The following INPP5F variants were observed in gnomAD, a reference collection of about 807,000 sequenced individuals.
INPP5F encodes the protein phosphatidylinositide 4-phosphatase SAC2.
INPP5F carries 97 observed loss-of-function variants against 137.2 expected under a neutral mutation model. The observed-to-expected ratio is 0.71, with a 90% CI of 0.60 to 0.84. The LOEUF is 0.84. Ranked by LOEUF, INPP5F falls within the 40% of genes least tolerant of loss-of-function variation. The pLI, the probability that INPP5F is intolerant of heterozygous loss-of-function variation, is 0.00. For missense variants in INPP5F, 1,271 were observed against 1,371.9 expected (o/e 0.93, Z 1.16); for synonymous variants, 504 against 476.9 (o/e 1.06, Z -0.74).
chr10:119,750,645 A>G (rs1785067316), intron 1 of INPP5F, among the ~76,000 whole-genome samples: 1 of 152,230 alleles, frequency 6.6e-6, no homozygotes, highest in South Asian at 2.1e-4. Context: ...TTTGTTTGGT[A>G]TAAGCATCTT....
intron 3 of INPP5F, among the ~76,000 whole-genome samples, chr10:119,783,311 C>A (rs1420330053): frequency 6.6e-6 from 1 of 152,154 alleles, no homozygotes; most frequent in East Asian, 1.9e-4. Flanking sequence ...TTATCACAGA[C>A]CTTTCCCTTG....
chr10:119,806,061 A>G (rs1346550102), intron 11 of INPP5F, among the ~76,000 whole-genome samples: 2 of 152,024 alleles, frequency 1.3e-5, no homozygotes, highest in African/African-American at 4.8e-5. Context: ...GTTTTTTTAC[A>G]TGTAGGAAAA....
chr10:119,762,740 CTA>C (rs1218798545), intron 2 of INPP5F, among the ~76,000 whole-genome samples: 2 of 152,112 alleles, frequency 1.3e-5, no homozygotes, highest in Non-Finnish European at 2.9e-5. Flanking sequence ...ATTTTGGTAT[CTA>C]TAGGGGGTTC....
intron 2 of INPP5F, among the ~76,000 whole-genome samples, chr10:119,774,528 C>T (rs1400176941): frequency 6.6e-6 from 1 of 151,122 alleles, no homozygotes; most frequent in African/African-American, 2.4e-5. Flanking sequence ...GAGACTGGGC[C>T]TGGCTATTTT....
chr10:119,741,057 G>A (rs778266013), intron 1 of INPP5F, among the ~76,000 whole-genome samples: 7 of 152,176 alleles, frequency 4.6e-5, no homozygotes, highest in Admixed American at 6.5e-5. Flanking sequence ...TTCTGTTTAC[G>A]AAGGAGGAAA....
intron 15 of INPP5F, among the ~76,000 whole-genome samples, chr10:119,816,931 C>T (rs1382471352): frequency 6.6e-6 from 1 of 152,170 alleles, no homozygotes; most frequent in Non-Finnish European, 1.5e-5. Context: ...CAGCCATCAC[C>T]ATGGTCAATT....
At chr10:119,816,336 G>A (rs894944446) in intron 15 of INPP5F, 3 of 152,068 alleles carry the variant, frequency 2.0e-5, no homozygotes, top group Non-Finnish European at 4.4e-5. Context: ...CGTGGATTAT[G>A]GATTACTCTT....
At chr10:119,765,880 T>G (rs564434486) in intron 2 of INPP5F, among the ~76,000 whole-genome samples, 2,563 of 144,276 alleles carry the variant, frequency 0.018, 68 homozygotes, top group African/African-American at 0.055. Context: ...TATATATATA[T>G]AGAGAGAGAG....
At chr10:119,819,626 C>T in intron 15 of INPP5F, 1 of 1,082,980 alleles carries the variant, frequency 9.2e-7, no homozygotes, top group Non-Finnish European at 1.3e-6. Context: ...CTCCTTTTCC[C>T]ATTGGTTAAT....
At chr10:119,794,808 C>T (rs1236217765) in intron 6 of INPP5F, among the ~76,000 whole-genome samples, 16 of 117,982 alleles carry the variant, frequency 1.4e-4, no homozygotes, top group African/African-American at 4.3e-4. Flanking sequence ...ACCCCCCCAC[C>T]TCCCTCCCTC....
In INPP5F at chr10:119,797,509, A is replaced by G. The variant is rs371159007; in HGVS notation, c.917A>G (p.Asn306Ser). ...RGVDKNGNVA[N>S]YVETEQLIHV... is the part of the protein sequence containing the mutation. ...GTGGATAAAAATGGAAATGTTGCCA[A>G]TTATGTGGAGACTGAGCAGTTGATT... The change falls in exon 8 of 20, where the codon AAT becomes AGT. Residue 306 changes from asparagine (N) to serine (S), a missense_variant. Physicochemically the swap from Asn to Ser is conservative, Grantham distance 46. Transcript: ENST00000650623. The G allele has an allele frequency of 1.2e-6, 2 of 1,612,738 alleles. No homozygotes were observed. The highest frequency in any genetic ancestry group is 1.7e-6 in the Non-Finnish European group (2 of 1,179,258).
At chr10:119,745,076 G>C (rs993614200) in intron 1 of INPP5F, among the ~76,000 whole-genome samples, 2 of 152,122 alleles carry the variant, frequency 1.3e-5, no homozygotes, top group East Asian at 1.9e-4. Context: ...AGATGGAAAA[G>C]GGTATTGAAT....
chr10:119,767,679 A>G (rs530602713), intron 2 of INPP5F, among the ~76,000 whole-genome samples: 1 of 152,348 alleles, frequency 6.6e-6, no homozygotes, highest in East Asian at 1.9e-4. Context: ...TTCAAGACAA[A>G]TGCCTTAGAG....
At chr10:119,794,846 GT>G (rs2134214325) in intron 6 of INPP5F, among the ~76,000 whole-genome samples, 1 of 114,368 alleles carries the variant, frequency 8.7e-6, no homozygotes. Flanking sequence ...CCGGGCGGGG[GT>G]CTGACCCCCT....
chr10:119,816,635 A>G (rs935384766), intron 15 of INPP5F: 9 of 152,276 alleles, frequency 5.9e-5, no homozygotes, highest in Non-Finnish European at 2.9e-5. Flanking sequence ...ACCTCTGTAC[A>G]GTCCATCAGC....
At chr10:119,750,317 C>A (rs1467492442) in intron 1 of INPP5F, among the ~76,000 whole-genome samples, 1 of 152,200 alleles carries the variant, frequency 6.6e-6, no homozygotes, top group Non-Finnish European at 1.5e-5. Flanking sequence ...CGAACTACCA[C>A]AAATGTTACG....
chr10:119,800,157 G>T (rs1791328669), intron 9 of INPP5F, among the ~76,000 whole-genome samples: 1 of 151,858 alleles, frequency 6.6e-6, no homozygotes, highest in Non-Finnish European at 1.5e-5. Context: ...TAAAAAACTT[G>T]TATTTGTTAA....
chr10:119,810,072 G>C, intron 13 of INPP5F, 28 bp from the exon 14 acceptor site: 2 of 1,282,338 alleles, frequency 1.6e-6, no homozygotes, highest in Non-Finnish European at 2.3e-6. Flanking sequence ...GTTTAAATAA[G>C]ATGTCAAAAT....
chr10:119,823,204 A>G lies in INPP5F; in HGVS notation c.2161+5A>G, dbSNP rs571434029. 1.9e-5 allele frequency: 30 copies of G among 1,610,588 alleles called. 1 individual carries two copies. The South Asian group carries it at 3.3e-4, about 18-fold the overall frequency. ...ATCCTGAAGAGGATGGAAAAGGTAA[A>G]AAGAGGAAGAGATGAAAGTATTCAG... On this transcript the variant is annotated splice_donor_5th_base_variant and intron_variant, in intron 18 of 19. Transcript: ENST00000650623.
Sources: allele counts gnomAD v4.1 joint callset (sites outside exome capture counted in the v4.1 genomes callset), GRCh38; gene constraint gnomAD v4.1.1; transcripts MANE v1.5; gene names NCBI Gene and HGNC (gene_info 2026-07-23, HGNC 2026-07-21).